MAP3K9: variants seen among roughly 807,000 people sequenced by gnomAD.
The protein encoded by MAP3K9 is mitogen-activated protein kinase kinase kinase 9, also known as mixed lineage kinase 1 (tyr and ser/thr specificity).
MAP3K9 carries 46 observed loss-of-function variants against 95.8 expected under a neutral mutation model. The observed-to-expected ratio is 0.48, with a 90% CI of 0.38 to 0.61. MAP3K9 has a LOEUF of 0.61. Ranked by LOEUF, MAP3K9 falls within the 20% of genes least tolerant of loss-of-function variation. The pLI is 0.00. For missense variants in MAP3K9, 1,296 were observed against 1,474.3 expected (o/e 0.88, Z 1.98); for synonymous variants, 533 against 593.8 (o/e 0.90, Z 1.49).
chr14:70,768,193 T>C (rs997473350), intron 2 of MAP3K9, among the ~76,000 whole-genome samples: 1 of 152,146 alleles, frequency 6.6e-6, no homozygotes, highest in African/African-American at 2.4e-5. Flanking sequence ...CTTGAGGGGA[T>C]GGATATCCCA....
At chr14:70,745,707 C>T (rs1450656016) in intron 5 of MAP3K9, among the ~76,000 whole-genome samples, 1 of 151,064 alleles carries the variant, frequency 6.6e-6, no homozygotes, top group Non-Finnish European at 1.5e-5. Flanking sequence ...CACTGCACTC[C>T]GGCCTAGGTG....
intron 2 of MAP3K9, among the ~76,000 whole-genome samples, chr14:70,770,462 G>T (rs2054516008): frequency 6.6e-6 from 1 of 152,148 alleles, no homozygotes; most frequent in African/African-American, 2.4e-5. Context: ...GGGATTACAG[G>T]AGTGAGCCAC....
Position 70,800,990 on chromosome 14 carries a change from T to A in MAP3K9, c.497A>T (p.Asp166Val). The part of the protein sequence containing the change: ...GKVYRAFWIG[D>V]EVAVKAARHD... Reference sequence around the variant, plus strand: ...GCGAGCTGCTTTCACAGCAACCTCATCCCCTATCCAGAAAGCACGATAGAC... The same window carrying A: ...GCGAGCTGCTTTCACAGCAACCTCAACCCCTATCCAGAAAGCACGATAGAC... Residue 166 changes from aspartate to valine, a missense_variant, in exon 2 of 12, where the codon GAT becomes GTT. Coordinates refer to ENST00000554752, the MANE Select transcript of MAP3K9 (RefSeq NM_001284230.2). The A allele has an allele frequency of 6.2e-7, 1 of 1,614,048 alleles. No homozygotes were observed. The highest frequency in any genetic ancestry group is 8.5e-7 in the Non-Finnish European group (1 of 1,180,000).
intron 2 of MAP3K9, among the ~76,000 whole-genome samples, chr14:70,771,344 G>C (rs559414474): frequency 6.6e-6 from 1 of 152,106 alleles, no homozygotes; most frequent in Non-Finnish European, 1.5e-5. Context: ...CTTTTCAAAG[G>C]CTTCCGGCTT....
chr14:70,770,799 G>T (rs529311537), intron 2 of MAP3K9, among the ~76,000 whole-genome samples: 1 of 152,206 alleles, frequency 6.6e-6, no homozygotes, highest in African/African-American at 2.4e-5. Context: ...GGTTCCCTTC[G>T]TCTCCCTCCT....
At chr14:70,733,721 A>G in intron 10 of MAP3K9, 1 of 718,362 alleles carries the variant, frequency 1.4e-6, no homozygotes, top group Non-Finnish European at 2.6e-6. Flanking sequence ...GGGGAGACTA[A>G]GATGGGAGTC....
At chr14:70,799,841 G>C (rs948485528) in intron 2 of MAP3K9, among the ~76,000 whole-genome samples, 3 of 152,124 alleles carry the variant, frequency 2.0e-5, no homozygotes, top group African/African-American at 7.2e-5. Context: ...TCTGGGACAG[G>C]ATGCTCCAAG....
At chr14:70,778,027 G>C (rs1392191479) in intron 2 of MAP3K9, among the ~76,000 whole-genome samples, 1 of 152,132 alleles carries the variant, frequency 6.6e-6, no homozygotes, top group Non-Finnish European at 1.5e-5. Flanking sequence ...GGGATAAATA[G>C]ATGATCCTAT....
At chr14:70,801,153 T>A in intron 1 of MAP3K9, 73 bp from the exon 2 acceptor site, 1 of 1,410,268 alleles carries the variant, frequency 7.1e-7, no homozygotes, top group South Asian at 1.4e-5. Context: ...TTCATTTACC[T>A]GAGTGGGTAA....
At chr14:70,800,319 G>A (rs930902878) in intron 2 of MAP3K9, among the ~76,000 whole-genome samples, 1 of 152,026 alleles carries the variant, frequency 6.6e-6, no homozygotes, top group Non-Finnish European at 1.5e-5. Context: ...TCCACAAAGA[G>A]GAAAATCCCT....
chr14:70,784,062 T>C (rs747297018), intron 2 of MAP3K9, among the ~76,000 whole-genome samples: 2 of 152,094 alleles, frequency 1.3e-5, no homozygotes, highest in Non-Finnish European at 2.9e-5. Flanking sequence ...GGCAGGCAGA[T>C]AGCCTGAAGT....
intron 10 of MAP3K9, among the ~76,000 whole-genome samples, chr14:70,734,021 A>C (rs1168617338): frequency 6.6e-6 from 1 of 152,142 alleles, no homozygotes; most frequent in East Asian, 1.9e-4. Flanking sequence ...TAAGGCTTTC[A>C]AACTGGGATT....
chr14:70,807,028 T>A (rs1040407222), intron 1 of MAP3K9, among the ~76,000 whole-genome samples: 1 of 152,172 alleles, frequency 6.6e-6, no homozygotes, highest in Non-Finnish European at 1.5e-5. Flanking sequence ...CCTCCAGGCA[T>A]TTTAAAGATC....
At chr14:70,751,070 A>G (rs2054220383) in intron 3 of MAP3K9, among the ~76,000 whole-genome samples, 2 of 145,154 alleles carry the variant, frequency 1.4e-5, no homozygotes, top group Non-Finnish European at 3.0e-5. Flanking sequence ...TCTAATTCAA[A>G]TGGAAAAGTT....
At position 70,781,964 on chromosome 14, in the gene MAP3K9, G is replaced by T. The variant is rs17108518; in HGVS notation, c.820+18703C>A. 6.2e-3 allele frequency among the ~76,000 whole-genome samples: 947 copies of T among 152,340 alleles called. 16 individuals are homozygous for T. Among genetic ancestry groups the T allele is most frequent in the African/African-American group, 0.021 (883 of 41,574 alleles). On this transcript the variant is annotated intron_variant, in intron 2 of 11. Transcript: ENST00000554752. ...ACCCAGGTGATGGGACATGGCATCA[G>T]TGAACACTTGGCTCTGTCTGAGCTG...
At chr14:70,805,096 A>T (rs1483625447) in intron 1 of MAP3K9, among the ~76,000 whole-genome samples, 1 of 152,192 alleles carries the variant, frequency 6.6e-6, no homozygotes, top group Non-Finnish European at 1.5e-5. Context: ...GTTTCTGTGG[A>T]AGGATATTTC....
chr14:70,768,782 T>A (rs2054491896), intron 2 of MAP3K9, among the ~76,000 whole-genome samples: 1 of 152,112 alleles, frequency 6.6e-6, no homozygotes. Flanking sequence ...TTAGCTTTGG[T>A]TGATGATCTA....
At chr14:70,794,543 A>G (rs1356595905) in intron 2 of MAP3K9, among the ~76,000 whole-genome samples, 1 of 152,184 alleles carries the variant, frequency 6.6e-6, no homozygotes, top group Non-Finnish European at 1.5e-5. Flanking sequence ...CAGAGGGAGG[A>G]GAAACACATG....
At chr14:70,790,230 A>C (rs766952814) in intron 2 of MAP3K9, among the ~76,000 whole-genome samples, 21 of 152,126 alleles carry the variant, frequency 1.4e-4, no homozygotes, top group Admixed American at 2.6e-4. Context: ...CCACTAAACC[A>C]CTCAGCAAAG....
Sources: gnomAD v4.1 joint callset for allele counts (sites outside exome capture counted in the v4.1 genomes callset) on GRCh38, gnomAD v4.1.1 for gene constraint, MANE v1.5 for transcripts, NCBI Gene and HGNC (gene_info 2026-07-23, HGNC 2026-07-21) for gene names.